Variants in DDX21 observed in about 807,000 individuals in gnomAD.
DDX21 encodes the protein nucleolar RNA helicase 2.
DDX21 carries 18 observed loss-of-function variants against 90.0 expected under a neutral mutation model. The observed-to-expected ratio is 0.20, with a 90% CI of 0.14 to 0.30. The LOEUF (loss-of-function observed/expected upper bound fraction) is 0.30, where lower values mean the gene tolerates loss of function less well. Ranked by LOEUF, DDX21 falls within the 10% of genes least tolerant of loss-of-function variation. The pLI is 1.00. For synonymous variants in DDX21, 294 were observed against 318.0 expected, an observed-to-expected ratio of 0.92 and a Z score of 0.80; for missense variants, 673 against 944.5, an observed-to-expected ratio of 0.71 and a Z score of 3.77.
chr10:68,967,331 G>A (rs1263942724), intron 6 of DDX21, 128 bp downstream of exon 6: 14 of 840,240 alleles, frequency 1.7e-5, no homozygotes, highest in South Asian at 7.6e-5. Context: ...CCACCACCAC[G>A]CCTGGCCTCG....
chr10:68,960,315 C>A, intron 2 of DDX21, 66 bp downstream of exon 2: 3 of 1,474,888 alleles, frequency 2.0e-6, no homozygotes, highest in Middle Eastern at 1.8e-4. Flanking sequence ...AAGTAGGTAA[C>A]TGCTATATGT....
At chr10:68,979,051 C>T in intron 13 of DDX21, 75 bp downstream of exon 13, 1 of 1,584,342 alleles carries the variant, frequency 6.3e-7, no homozygotes, top group Non-Finnish European at 8.6e-7. Flanking sequence ...TGGGTTCTTC[C>T]TGTTCTGTGG....
chr10:68,981,458 T>A, intron 13 of DDX21, 79 bp from the exon 14 acceptor site: 2 of 1,287,730 alleles, frequency 1.6e-6, no homozygotes, highest in South Asian at 1.3e-5. Context: ...TTCTTTTTTT[T>A]AAAGAATACG....
At position 68,970,203 on chromosome 10, in the gene DDX21, T is replaced by C. The variant is rs768501258; in HGVS notation, c.1239T>C (p.His413=). The change falls in exon 8 of 15, where the codon CAT becomes CAC. Residue 413 remains histidine (H), a splice_region_variant and synonymous_variant. Transcript: ENST00000354185. ...KTQKTAITVE[H]LAIKCHWTQR... is the part of the protein sequence containing the mutation. ...TGTTTTTTTTCTTCTTACATAAGCA[T>C]CTGGCTATTAAGTGCCACTGGACTC... The C allele has an allele frequency of 5.0e-6, 8 of 1,598,882 alleles. No individual in the cohort carries two copies. Among genetic ancestry groups the C allele is most frequent in the African/African-American group, 2.7e-5 (2 of 73,824 alleles).
Position 68,969,002 on chromosome 10 carries a change from C to T in DDX21, c.1117C>T (p.Leu373Phe). The T allele has an allele frequency of 6.2e-7, 1 of 1,613,074 alleles. No individual in the cohort carries two copies. Among genetic ancestry groups the T allele is most frequent in the Non-Finnish European group, 8.5e-7 (1 of 1,179,740 alleles). Residue 373 changes from leucine to phenylalanine, a missense_variant, in exon 7 of 15, where the codon CTT (leucine) becomes TTT (phenylalanine). This residue lies in a region of DDX21 where 218 missense variants were observed against 347.3 expected (regional missense o/e 0.63). Transcript: ENST00000354185. ...KDSEDNPQTLLFSATCPHWVF... is the reference protein window; with the variant it reads ...KDSEDNPQTLFFSATCPHWVF... ...TTCTGAAGACAATCCCCAAACATTG[C>T]TTTTTTCTGCAACTTGCCCTCATTG...
intron 4 of DDX21, chr10:68,964,266 C>T: frequency 3.7e-6 from 1 of 269,124 alleles, no homozygotes; most frequent in Non-Finnish European, 7.5e-6. Flanking sequence ...CCCATGTAGT[C>T]ACTTTGGCTG....
intron 14 of DDX21, among the ~76,000 whole-genome samples, chr10:68,982,097 C>G (rs368371199): frequency 1.4e-3 from 214 of 152,280 alleles, no homozygotes; most frequent in Middle Eastern, 0.014. Flanking sequence ...TGGTCTCGAA[C>G]TCCTGACCGC....
At chr10:68,970,102 A>G in intron 7 of DDX21, 99 bp from the exon 8 acceptor site, 1 of 1,164,186 alleles carries the variant, frequency 8.6e-7, no homozygotes, top group Non-Finnish European at 1.2e-6. Context: ...CAGGAGCAAG[A>G]CATTAGAACA....
Position 68,984,865 on chromosome 10 carries a change from T to C in DDX21, c.*2053T>C, listed in dbSNP as rs1843245328. ...TTTATAAATGTATAATGTATTTAGC[T>C]ACTTTTTGGTTTAAATGAACTTGTT... On this transcript the variant is annotated 3_prime_UTR_variant, in exon 15 of 15. Coordinates refer to ENST00000354185, the MANE Select transcript of DDX21 (RefSeq NM_004728.4). 2 of 152,206 alleles carry C rather than the reference T, an allele frequency of 1.3e-5. No individual in the cohort carries two copies. Among genetic ancestry groups the C allele is most frequent in the Admixed American group, 1.3e-4 (2 of 15,274 alleles). 9.4% of individuals were successfully genotyped at this position (152,206 alleles called of 1,614,324 possible).
chr10:68,963,246 T>A (rs774038319), intron 3 of DDX21, 45 bp from the exon 4 acceptor site: 18 of 1,550,468 alleles, frequency 1.2e-5, no homozygotes, highest in Non-Finnish European at 1.6e-5. Context: ...ATGGCTAATG[T>A]TTTAAGAATT....
At chr10:68,971,689 AG>A (rs1245317366) in intron 8 of DDX21, among the ~76,000 whole-genome samples, 2 of 152,220 alleles carry the variant, frequency 1.3e-5, no homozygotes, top group Non-Finnish European at 2.9e-5. Context: ...CAATAAGTAA[AG>A]TTGGATACAG....
At chr10:68,975,482 T>TATG (rs1445157576) in intron 11 of DDX21, among the ~76,000 whole-genome samples, 2 of 152,246 alleles carry the variant, frequency 1.3e-5, no homozygotes, top group African/African-American at 2.4e-5. Flanking sequence ...GATGGTGACC[T>TATG]ATGTTCTCTG....
chr10:68,972,665 TG>T (rs1418490292), intron 9 of DDX21, among the ~76,000 whole-genome samples: 4 of 152,184 alleles, frequency 2.6e-5, no homozygotes, highest in Non-Finnish European at 4.4e-5. Context: ...CATGAGTGTG[TG>T]GTATAAACAT....
At chr10:68,971,869 A>T (rs942329977) in intron 8 of DDX21, 22 bp from the exon 9 acceptor site, 1 of 1,609,808 alleles carries the variant, frequency 6.2e-7, no homozygotes, top group African/African-American at 1.3e-5. Context: ...TGGTGTTCTT[A>T]CATCCGTTTA....
At chr10:68,960,682 C>T (rs1157643405) in intron 2 of DDX21, among the ~76,000 whole-genome samples, 9 of 151,420 alleles carry the variant, frequency 5.9e-5, no homozygotes, top group Non-Finnish European at 1.2e-4. Flanking sequence ...AGGCTGGTCT[C>T]GAACTCCCAA....
Position 68,967,001 on chromosome 10 carries a change from G to A in DDX21, c.905-17G>A. 6.2e-7 allele frequency: 1 copy of A among 1,601,432 alleles called. No individual in the cohort carries two copies. Among genetic ancestry groups the A allele is most frequent in the South Asian group, 1.1e-5 (1 of 89,672 alleles). ...ACTTACTAAAAACCCAGCAAATCTTGTCATTGTTTTTTATAGTTGAACGCA... is the reference window on the plus strand; with the variant it reads ...ACTTACTAAAAACCCAGCAAATCTTATCATTGTTTTTTATAGTTGAACGCA... On this transcript the variant is annotated splice_polypyrimidine_tract_variant and intron_variant, in intron 5 of 14. Transcript: ENST00000354185.
intron 2 of DDX21, 111 bp from the exon 3 acceptor site, chr10:68,961,971 G>A: frequency 1.4e-6 from 1 of 724,460 alleles, no homozygotes. Flanking sequence ...TTAAAGTGAT[G>A]TGTTTAGAAG....
rs532619945 is a variant in DDX21 at position 68,962,002 on chromosome 10, T to G, written c.532-80T>G. On this transcript the variant is annotated intron_variant, in intron 2 of 14. Transcript: ENST00000354185. Reference sequence around the variant, plus strand: ...AGAAGAATTGCTTTAGGATAGCTTGTTTTGTCTCTTTCTCAGAAGGTTCTC... The same window carrying G: ...AGAAGAATTGCTTTAGGATAGCTTGGTTTGTCTCTTTCTCAGAAGGTTCTC... 2.8e-5 allele frequency: 32 copies of G among 1,156,800 alleles called. 1 individual carries two copies. The South Asian group carries it at 4.1e-4, about 15-fold the overall frequency. 71.7% of individuals were successfully genotyped at this position (1,156,800 alleles called of 1,614,324 possible).
chr10:68,959,234 A>C (rs1564624579), intron 1 of DDX21, among the ~76,000 whole-genome samples: 1 of 152,076 alleles, frequency 6.6e-6, no homozygotes, highest in African/African-American at 2.4e-5. Flanking sequence ...ACGGTGGCTC[A>C]TGTAATCCTA....
Sources: allele counts gnomAD v4.1 joint callset (sites outside exome capture counted in the v4.1 genomes callset), GRCh38; gene constraint gnomAD v4.1.1; regional missense constraint gnomAD v4.1.1; transcripts MANE v1.5; gene names NCBI Gene and HGNC (gene_info 2026-07-23, HGNC 2026-07-21).